The following RPE variants were observed in gnomAD, a reference collection of about 807,000 sequenced individuals.
The protein encoded by RPE is ribulose-5-phosphate-3-epimerase.
RPE carries 16 observed loss-of-function variants against 24.6 expected under a neutral mutation model. The ratio of observed to expected loss-of-function variants is 0.65; its 90% CI spans 0.44 to 0.99. RPE has a LOEUF of 0.99. Among genes scored for constraint, RPE ranks in the 50% least tolerant of loss-of-function variants. The pLI is 0.00. For missense variants in RPE, 240 were observed against 294.5 expected (o/e 0.81, Z 1.35); for synonymous variants, 93 against 98.4 (o/e 0.94, Z 0.33).
At chr2:210,004,815 C>A (rs544969710) in intron 1 of RPE, among the ~76,000 whole-genome samples, 1 of 152,120 alleles carries the variant, frequency 6.6e-6, no homozygotes, top group Non-Finnish European at 1.5e-5. Context: ...TGTCCCCTTG[C>A]AGCTCTATGG....
In RPE at chr2:210,017,568, G is replaced by A. The variant is rs774986952; in HGVS notation, c.564+9G>A. 18 of 1,612,876 alleles carry A rather than the reference G, an allele frequency of 1.1e-5. No homozygotes were observed. The highest frequency in any genetic ancestry group is 1.5e-5 in the Non-Finnish European group (18 of 1,179,192). On this transcript the variant is annotated intron_variant, in intron 5 of 5. Coordinates refer to ENST00000359429, the MANE Select transcript of RPE (RefSeq NM_199229.3). ...TCCATAAATGTGCAGAGGTGAGATTGCTCTTCAACTATGACTAGACCAATT... is the reference window on the plus strand; with the variant it reads ...TCCATAAATGTGCAGAGGTGAGATTACTCTTCAACTATGACTAGACCAATT...
intron 1 of RPE, among the ~76,000 whole-genome samples, chr2:210,004,774 A>G (rs1355938069): frequency 6.6e-6 from 1 of 152,208 alleles, no homozygotes; most frequent in African/African-American, 2.4e-5. Flanking sequence ...TAGCTTAATC[A>G]TAATAGGAGA....
intron 1 of RPE, among the ~76,000 whole-genome samples, chr2:210,007,235 T>A (rs963172827): frequency 2.6e-5 from 4 of 152,198 alleles, no homozygotes; most frequent in African/African-American, 9.7e-5. Context: ...ATAAGTTTGG[T>A]TTTTATTAGC....
intron 1 of RPE, among the ~76,000 whole-genome samples, chr2:210,006,857 A>G (rs531551790): frequency 2.6e-5 from 4 of 152,332 alleles, no homozygotes; most frequent in African/African-American, 9.6e-5. Flanking sequence ...ATAGAAATTA[A>G]ACCTCCAAAG....
intron 2 of RPE, among the ~76,000 whole-genome samples, chr2:210,015,660 ATTC>A (rs2093761164): frequency 6.6e-6 from 1 of 151,860 alleles, no homozygotes; most frequent in Non-Finnish European, 1.5e-5. Context: ...AGTATGACTT[ATTC>A]TTTAAGTTTT....
Position 210,019,721 on chromosome 2 carries a change from C to T in RPE, c.617C>T (p.Pro206Leu), listed in dbSNP as rs1367473612. 1 of 1,613,402 alleles carries T rather than the reference C, an allele frequency of 6.2e-7. No individual in the cohort carries two copies. Among genetic ancestry groups the T allele is most frequent in the Admixed American group, 1.7e-5 (1 of 59,972 alleles). ...AGTGCTATTATGAGGAGTGAAGACC[C>T]CAGATCTGTGATCAATCTATTAAGA... ...SGSAIMRSED[P>L]RSVINLLRNV... The change falls in exon 6 of 6, where the codon CCC (proline) becomes CTC (leucine). Residue 206 changes from proline (P) to leucine (L), a missense_variant. By Grantham distance (98) the Pro-to-Leu change is moderately conservative. Coordinates refer to ENST00000359429, the MANE Select transcript of RPE (RefSeq NM_199229.3).
In RPE at chr2:210,021,479, AC is replaced by A. The variant is rs1388921523; in HGVS notation, c.*1689del. 4 of 152,596 alleles carry A rather than the reference AC, an allele frequency of 2.6e-5. No homozygotes were observed. Among genetic ancestry groups the A allele is most frequent in the African/African-American group, 9.6e-5 (4 of 41,456 alleles). The allele number at this position is 152,596 out of a possible 1,614,324, so 9.5% of individuals were successfully genotyped here. ...ATAGAAGATTATAATATCAGACGTG[AC>A]AAAGATTTGAGTTTATTTGCCTGGA... On this transcript the variant is annotated 3_prime_UTR_variant, in exon 6 of 6. Coordinates refer to ENST00000359429, the MANE Select transcript of RPE (RefSeq NM_199229.3).
chr2:210,020,580 C>T lies in RPE; in HGVS notation c.*789C>T, dbSNP rs1198983244. On this transcript the variant is annotated 3_prime_UTR_variant, in exon 6 of 6. Coordinates refer to ENST00000359429, the MANE Select transcript of RPE (RefSeq NM_199229.3). ...TTGTGTTTCTCTAAAGTCATTTATA[C>T]ATTAAATGTAATTATAGCAACTGTG... is the stretch of plus-strand genomic sequence containing the variant. 6.0e-6 allele frequency: 1 copy of T among 166,784 alleles called. No homozygotes were observed. The highest frequency in any genetic ancestry group is 1.5e-5 in the Non-Finnish European group (1 of 68,060). 10.3% of individuals were successfully genotyped at this position (166,784 alleles called of 1,614,324 possible).
At chr2:210,013,393 C>T (rs2887872) in intron 2 of RPE, among the ~76,000 whole-genome samples, 62,870 of 150,472 alleles carry the variant, frequency 0.42, 13,266 homozygotes, top group East Asian at 0.5. Flanking sequence ...TCACTGAAGC[C>T]TCAGTCTTGA....
chr2:210,005,324 C>T (rs1000318665), intron 1 of RPE, among the ~76,000 whole-genome samples: 6 of 152,158 alleles, frequency 3.9e-5, no homozygotes, highest in Non-Finnish European at 7.4e-5. Context: ...CTAGTCTCCT[C>T]CCCACTAAGA....
intron 1 of RPE, among the ~76,000 whole-genome samples, chr2:210,006,156 C>G (rs990240792): frequency 6.6e-6 from 1 of 152,180 alleles, no homozygotes; most frequent in Non-Finnish European, 1.5e-5. Flanking sequence ...AATGATGAAG[C>G]AGACTTTTTA....
intron 2 of RPE, among the ~76,000 whole-genome samples, chr2:210,013,433 C>T (rs1231193630): frequency 6.6e-6 from 1 of 151,744 alleles, no homozygotes; most frequent in Non-Finnish European, 1.5e-5. Flanking sequence ...CACCTCACCT[C>T]TCCCCTCCAG....
rs778376854 is a variant in RPE at position 210,019,843 on chromosome 2, A to G, written c.*52A>G. On this transcript the variant is annotated 3_prime_UTR_variant, in exon 6 of 6. Coordinates refer to ENST00000359429, the MANE Select transcript of RPE (RefSeq NM_199229.3). ...TCATGAAATCTCCCTTTTACTGGAA[A>G]ACAGGAATATTGACTACCAAATCAC... 1 of 1,574,176 alleles carries G rather than the reference A, an allele frequency of 6.4e-7. No homozygotes were observed. The highest frequency in any genetic ancestry group is 8.6e-7 in the Non-Finnish European group (1 of 1,158,292).
At chr2:210,017,700 A>G in intron 5 of RPE, 141 bp downstream of exon 5, 1 of 723,990 alleles carries the variant, frequency 1.4e-6, no homozygotes, top group East Asian at 2.6e-5. Context: ...TCACATGTAC[A>G]ACTAGGAAAA....
chr2:210,018,568 C>G (rs946032541), intron 5 of RPE: 2 of 985,066 alleles, frequency 2.0e-6, no homozygotes, highest in Admixed American at 1.2e-4. Flanking sequence ...TTGATATATA[C>G]CTATCAAAAG....
At chr2:210,018,265 T>G in intron 5 of RPE, 1 of 1,506,642 alleles carries the variant, frequency 6.6e-7, no homozygotes, top group Non-Finnish European at 8.8e-7. Context: ...TTGACCTAAT[T>G]ATTACATTAT....
At chr2:210,006,903 T>A (rs1202760407) in intron 1 of RPE, among the ~76,000 whole-genome samples, 2 of 152,028 alleles carry the variant, frequency 1.3e-5, no homozygotes, top group Non-Finnish European at 2.9e-5. Context: ...TCTGTTCCCA[T>A]CCACCTTATG....
At position 210,006,284 on chromosome 2, in the gene RPE, G is replaced by A. The variant is rs77326097; in HGVS notation, c.123-3373G>A. On this transcript the variant is annotated intron_variant, in intron 1 of 5. Transcript: ENST00000359429. ...GTCCTCTTTGGAGTCAGTAGGCTGA[G>A]GTAGAGACTGTAAATACATTAGAAC... Among the ~76,000 whole-genome samples, 781 of 152,316 alleles carry A rather than the reference G, an allele frequency of 5.1e-3. 13 individuals carry two copies. The highest frequency in any genetic ancestry group is 0.017 in the African/African-American group (722 of 41,564).
chr2:210,019,692 T>A lies in RPE; in HGVS notation c.588T>A (p.Ser196=). The change falls in exon 6 of 6, where the codon TCT becomes TCA. Residue 196 remains serine, a synonymous_variant. Coordinates refer to ENST00000359429, the MANE Select transcript of RPE (RefSeq NM_199229.3). ...CAEAGANMIV[S]GSAIMRSEDP... ...AGGCAGGAGCTAACATGATTGTGTC[T>A]GGCAGTGCTATTATGAGGAGTGAAG... 1 of 1,613,330 alleles carries A rather than the reference T, an allele frequency of 6.2e-7. No individual in the cohort carries two copies. Among genetic ancestry groups the A allele is most frequent in the Non-Finnish European group, 8.5e-7 (1 of 1,179,400 alleles).
Sources: allele counts gnomAD v4.1 joint callset (sites outside exome capture counted in the v4.1 genomes callset), GRCh38; gene constraint gnomAD v4.1.1; transcripts MANE v1.5; gene names NCBI Gene and HGNC (gene_info 2026-07-23, HGNC 2026-07-21).